SV2C: variants seen among roughly 807,000 people sequenced by gnomAD.
The protein encoded by SV2C is solute carrier family 22 member B3.
A neutral mutation model predicts 79.7 loss-of-function variants in SV2C; 49 were observed. The ratio of observed to expected loss-of-function variants is 0.61; its 90% CI spans 0.49 to 0.78. The LOEUF (loss-of-function observed/expected upper bound fraction) is 0.78, where lower values mean the gene tolerates loss of function less well. SV2C is among the 30% of genes least tolerant of loss of function. The pLI, the probability that SV2C is intolerant of heterozygous loss-of-function variation, is 0.00. For synonymous variants in SV2C, 334 were observed against 333.2 expected (o/e 1.00, Z -0.03); for missense variants, 833 against 912.9 (o/e 0.91, Z 1.13).
intron 4 of SV2C, among the ~76,000 whole-genome samples, chr5:76,251,254 A>C (rs1360745946): frequency 6.6e-6 from 1 of 152,098 alleles, no homozygotes; most frequent in Non-Finnish European, 1.5e-5. Flanking sequence ...ATCAAAGCAC[A>C]GGTTGTGTCC....
At chr5:75,956,002 TC>T in the SV2C span, among the ~76,000 whole-genome samples, 1 of 148,368 alleles carries the variant, frequency 6.7e-6, no homozygotes, top group African/African-American at 2.5e-5. Context: ...TCCTCAGGGA[TC>T]TAGAACTAGA....
At chr5:75,896,159 C>T in the SV2C span, among the ~76,000 whole-genome samples, 8 of 151,516 alleles carry the variant, frequency 5.3e-5, no homozygotes, top group African/African-American at 1.9e-4. Flanking sequence ...GTGTGCTGCA[C>T]CCATTAACTT....
chr5:75,858,794 T>A, the SV2C span, among the ~76,000 whole-genome samples: 1 of 152,174 alleles, frequency 6.6e-6, no homozygotes, highest in African/African-American at 2.4e-5. Flanking sequence ...TATTGGTCTT[T>A]CAGGTTTTGG....
chr5:75,897,308 C>G, the SV2C span, among the ~76,000 whole-genome samples: 1 of 151,876 alleles, frequency 6.6e-6, no homozygotes, highest in African/African-American at 2.4e-5. Context: ...TTCCCAGCAC[C>G]ATTTATTAAA....
At chr5:75,930,801 C>G in the SV2C span, among the ~76,000 whole-genome samples, 1 of 152,070 alleles carries the variant, frequency 6.6e-6, no homozygotes, top group Non-Finnish European at 1.5e-5. Context: ...TTTTATGGGC[C>G]ATTTATGTTG....
the SV2C span, among the ~76,000 whole-genome samples, chr5:76,012,238 G>A: frequency 7.2e-5 from 11 of 152,248 alleles, no homozygotes; most frequent in South Asian, 2.1e-4. Flanking sequence ...GTGTAAAAGC[G>A]TTCCTACTTC....
chr5:76,033,655 G>A, the SV2C span, among the ~76,000 whole-genome samples: 1 of 152,172 alleles, frequency 6.6e-6, no homozygotes, highest in African/African-American at 2.4e-5. Flanking sequence ...CTGTAGCCTT[G>A]TAGTATAGTT....
chr5:76,087,875 G>A (rs1349987136), intron 1 of SV2C, among the ~76,000 whole-genome samples: 2 of 152,238 alleles, frequency 1.3e-5, no homozygotes, highest in African/African-American at 4.8e-5. Context: ...ATAGGAGTGA[G>A]TGACATGGGT....
the SV2C span, among the ~76,000 whole-genome samples, chr5:75,878,780 A>G: frequency 6.6e-6 from 1 of 152,154 alleles, no homozygotes; most frequent in African/African-American, 2.4e-5. Context: ...TCCGATCCTC[A>G]CTTGAATTTA....
chr5:76,174,317 C>T (rs1214819332), intron 2 of SV2C: 1 of 821,360 alleles, frequency 1.2e-6, no homozygotes, highest in East Asian at 2.6e-5. Flanking sequence ...TGCCGCGCCG[C>T]TCCGGCTGGT....
intron 4 of SV2C, among the ~76,000 whole-genome samples, chr5:76,249,773 T>C (rs1287422393): frequency 6.6e-6 from 1 of 152,190 alleles, no homozygotes; most frequent in African/African-American, 2.4e-5. Context: ...GTGTTGCTGA[T>C]GCGCATGGCT....
At chr5:76,274,679 TCCTTC>T (rs1367352994) in intron 4 of SV2C, among the ~76,000 whole-genome samples, 1 of 126,528 alleles carries the variant, frequency 7.9e-6, no homozygotes, top group African/African-American at 3.1e-5. Context: ...TTCCTTTTTC[TCCTTC>T]TTTTTTTTTT....
At chr5:75,984,539 A>G in the SV2C span, among the ~76,000 whole-genome samples, 1 of 65,590 alleles carries the variant, frequency 1.5e-5, no homozygotes, top group Non-Finnish European at 4.8e-5. Context: ...CTATCTGCCT[A>G]TCTATCTATC....
chr5:76,321,634 A>G (rs1748832870), intron 12 of SV2C, among the ~76,000 whole-genome samples: 1 of 151,868 alleles, frequency 6.6e-6, no homozygotes, highest in Non-Finnish European at 1.5e-5. Flanking sequence ...CCAACTGTTC[A>G]GGAGGCTGAG....
At chr5:76,064,513 C>T in the SV2C span, among the ~76,000 whole-genome samples, 5 of 152,196 alleles carry the variant, frequency 3.3e-5, no homozygotes, top group Non-Finnish European at 7.3e-5. Flanking sequence ...GCATATTGCA[C>T]ATCACTTGCT....
intron 8 of SV2C, among the ~76,000 whole-genome samples, chr5:76,292,377 C>A (rs1747597882): frequency 6.6e-6 from 1 of 152,212 alleles, no homozygotes; most frequent in Non-Finnish European, 1.5e-5. Flanking sequence ...CTTTACCCCA[C>A]AGCACTTTCT....
chr5:76,141,315 C>T (rs1317308719), intron 2 of SV2C, among the ~76,000 whole-genome samples: 1 of 152,130 alleles, frequency 6.6e-6, no homozygotes, highest in Non-Finnish European at 1.5e-5. Flanking sequence ...CAGCTCTGAA[C>T]CTGAAGGCAG....
the SV2C span, among the ~76,000 whole-genome samples, chr5:75,898,676 T>C: frequency 2.9e-4 from 44 of 152,218 alleles, 1 homozygote; most frequent in African/African-American, 8.2e-4. Context: ...TGGTAGAATT[T>C]GGCTGTGAAT....
intron 4 of SV2C, among the ~76,000 whole-genome samples, chr5:76,271,484 T>C (rs1393333953): frequency 1.3e-5 from 2 of 152,192 alleles, no homozygotes; most frequent in African/African-American, 4.8e-5. Flanking sequence ...TAGATGTATG[T>C]AGACACTGCA....
Sources: allele counts gnomAD v4.1 joint callset (sites outside exome capture counted in the v4.1 genomes callset), GRCh38; gene constraint gnomAD v4.1.1; transcripts MANE v1.5; gene names NCBI Gene and HGNC (gene_info 2026-07-23, HGNC 2026-07-21).